The following SLC12A6 variants were observed in gnomAD, a reference collection of about 807,000 sequenced individuals.
The protein encoded by SLC12A6 is solute carrier family 12 member 6.
In SLC12A6, 66 loss-of-function variants were observed where a neutral mutation model predicts 135.3. That is an observed-to-expected ratio of 0.49 (90% CI 0.40 to 0.60). The LOEUF (loss-of-function observed/expected upper bound fraction) is 0.60. Among genes scored for constraint, SLC12A6 ranks in the 20% least tolerant of loss-of-function variants. SLC12A6 has a pLI of 0.00. For missense variants in SLC12A6, 1,058 were observed against 1,452.3 expected (o/e 0.73, Z 4.41); for synonymous variants, 513 against 508.8 (o/e 1.01, Z -0.11).
At chr15:34,267,723 G>A (rs1354718043) in intron 3 of SLC12A6, among the ~76,000 whole-genome samples, 2 of 152,112 alleles carry the variant, frequency 1.3e-5, no homozygotes, top group Non-Finnish European at 2.9e-5. Context: ...TTTCTGGCTT[G>A]TAACTTTGTG....
chr15:34,245,790 G>A lies in SLC12A6; in HGVS notation c.1727C>T (p.Ser576Phe), dbSNP rs1244030823. Residue 576 changes from serine (S) to phenylalanine (F), a missense_variant, in exon 14 of 26, where the codon TCC becomes TTC. Transcript: ENST00000354181. ...TCCAGCCCCACATGTTGAAAAGAAG[G>A]AGCCAATAACAATCACCCATGGGGA... ...WPSPWVIVIG[S>F]FFSTCGAGLQ... 1.2e-6 allele frequency: 2 copies of A among 1,613,586 alleles called. No homozygotes were observed. Among genetic ancestry groups the A allele is most frequent in the Non-Finnish European group, 1.7e-6 (2 of 1,179,530 alleles).
intron 6 of SLC12A6, 37 bp from the exon 7 acceptor site, chr15:34,256,320 T>TA: frequency 1.4e-6 from 2 of 1,412,524 alleles, no homozygotes. Flanking sequence ...TGTTACTGTG[T>TA]AAAGATGACA....
chr15:34,248,589 CACAT>C (rs1595426338), intron 13 of SLC12A6, among the ~76,000 whole-genome samples: 1 of 151,724 alleles, frequency 6.6e-6, no homozygotes, highest in African/African-American at 2.4e-5. Flanking sequence ...CACACACACA[CACAT>C]ATACTGTGTT....
intron 3 of SLC12A6, among the ~76,000 whole-genome samples, chr15:34,263,861 T>C (rs1329178234): frequency 1.3e-5 from 2 of 151,866 alleles, no homozygotes; most frequent in African/African-American, 2.4e-5. Flanking sequence ...TGCCCCAAAA[T>C]GGAATAATAC....
chr15:34,319,509 A>C (rs1163695923), intron 2 of SLC12A6, among the ~76,000 whole-genome samples: 2 of 152,088 alleles, frequency 1.3e-5, no homozygotes, highest in Non-Finnish European at 2.9e-5. Context: ...TTAAAATATG[A>C]AAGATACGGC....
chr15:34,267,917 C>G (rs773336983), intron 3 of SLC12A6, among the ~76,000 whole-genome samples: 4 of 151,950 alleles, frequency 2.6e-5, no homozygotes, highest in Non-Finnish European at 2.9e-5. Flanking sequence ...TTTTTTATAT[C>G]TATATATATT....
rs1429708660 is a variant in SLC12A6, at chr15:34,229,948, A to G, written c.*3933T>C. 1 of 698,292 alleles carries G rather than the reference A, an allele frequency of 1.4e-6. No individual in the cohort carries two copies. The highest frequency in any genetic ancestry group is 2.5e-6 in the Non-Finnish European group (1 of 393,130). The allele number at this position is 698,292 out of a possible 1,614,324, so 43.3% of individuals were successfully genotyped here. ...TGGGGTGACAGGTCCTAGAAGGACA[A>G]TGTGCATATTACGACAAACACAAAG... On this transcript the variant is annotated 3_prime_UTR_variant, in exon 26 of 26. Coordinates refer to ENST00000354181, the MANE Select transcript of SLC12A6 (RefSeq NM_001365088.1).
At chr15:34,253,458 G>T (rs965193545) in intron 9 of SLC12A6, among the ~76,000 whole-genome samples, 2 of 152,140 alleles carry the variant, frequency 1.3e-5, no homozygotes, top group African/African-American at 4.8e-5. Flanking sequence ...CCCTAGATAA[G>T]CAGATTAAAA....
intron 24 of SLC12A6, 129 bp downstream of exon 24, chr15:34,235,886 G>A: frequency 1.3e-6 from 1 of 794,466 alleles, no homozygotes; most frequent in Non-Finnish European, 2.3e-6. Context: ...AGTATGAACA[G>A]GCAAACAATA....
At chr15:34,250,753 C>G (rs896568907) in intron 11 of SLC12A6, 24 bp from the exon 12 acceptor site, 2 of 1,467,350 alleles carry the variant, frequency 1.4e-6, no homozygotes, top group East Asian at 4.5e-5. Context: ...GGGGAAAAAA[C>G]CAAGTTAACT....
chr15:34,231,168 C>T lies in SLC12A6; in HGVS notation c.*2713G>A, dbSNP rs1890896724. The T allele has an allele frequency of 6.6e-6, 1 of 152,146 alleles. No homozygotes were observed. Among genetic ancestry groups the T allele is most frequent in the Non-Finnish European group, 1.5e-5 (1 of 68,092 alleles). The allele number at this position is 152,146 out of a possible 1,614,324, so 9.4% of individuals were successfully genotyped here. On this transcript the variant is annotated 3_prime_UTR_variant, in exon 26 of 26. Transcript: ENST00000354181. ...GGGAGTTCGAGACCAGCCTGACCAA[C>T]ATCAGTTTCAGTAGAGAAACCCCGT...
intron 3 of SLC12A6, among the ~76,000 whole-genome samples, chr15:34,261,456 CA>C (rs1460308923): frequency 6.6e-6 from 1 of 152,092 alleles, no homozygotes; most frequent in African/African-American, 2.4e-5. Flanking sequence ...CCACCATGCC[CA>C]GCTAATTTGT....
chr15:34,268,410 A>C (rs1211842985), intron 3 of SLC12A6, among the ~76,000 whole-genome samples: 1 of 152,200 alleles, frequency 6.6e-6, no homozygotes, highest in Admixed American at 6.5e-5. Flanking sequence ...AGTGTTGTGC[A>C]ATGGGAGGCT....
At chr15:34,267,693 T>C (rs1358103579) in intron 3 of SLC12A6, among the ~76,000 whole-genome samples, 1 of 152,198 alleles carries the variant, frequency 6.6e-6, no homozygotes, top group Non-Finnish European at 1.5e-5. Flanking sequence ...TACAAAATTT[T>C]TGTGTACACT....
intron 3 of SLC12A6, among the ~76,000 whole-genome samples, chr15:34,267,455 T>C (rs1893605000): frequency 1.3e-5 from 2 of 152,200 alleles, no homozygotes; most frequent in Non-Finnish European, 2.9e-5. Context: ...TTGGAGCAAA[T>C]AATTACTGTG....
intron 22 of SLC12A6, chr15:34,237,092 AG>A (rs902912735): frequency 1.8e-4 from 87 of 481,212 alleles, no homozygotes; most frequent in African/African-American, 1.5e-3. Flanking sequence ...TTATACTGTT[AG>A]GTTTTTTTTA....
intron 3 of SLC12A6, among the ~76,000 whole-genome samples, chr15:34,271,178 T>C (rs1893907203): frequency 6.6e-6 from 1 of 152,172 alleles, no homozygotes; most frequent in Admixed American, 6.5e-5. Context: ...CTATTAAGAT[T>C]ATTATACAAT....
chr15:34,268,847 CTTTT>C (rs1013107464), intron 3 of SLC12A6, among the ~76,000 whole-genome samples: 1 of 150,880 alleles, frequency 6.6e-6, no homozygotes, highest in African/African-American at 2.4e-5. Context: ...TATTATGTTT[CTTTT>C]TTTCTTTCTT....
chr15:34,275,276 T>C (rs1894220718), intron 3 of SLC12A6, 69 bp downstream of exon 3: 1 of 792,030 alleles, frequency 1.3e-6, no homozygotes, highest in Admixed American at 1.8e-5. Context: ...GAGAAGGGAG[T>C]AATGTCTGTT....
Sources: allele counts gnomAD v4.1 joint callset (sites outside exome capture counted in the v4.1 genomes callset), GRCh38; gene constraint gnomAD v4.1.1; transcripts MANE v1.5; gene names NCBI Gene and HGNC (gene_info 2026-07-23, HGNC 2026-07-21).